CALHM3: variants seen among roughly 807,000 people sequenced by gnomAD.
CALHM3 encodes the protein calcium homeostasis modulator 3.
CALHM3 carries 9 observed loss-of-function variants against 13.6 expected under a neutral mutation model. That is an observed-to-expected ratio of 0.66 (90% confidence interval 0.40 to 1.15). The LOEUF is 1.15. Ranked by LOEUF, CALHM3 falls within the 50% of genes most tolerant of loss-of-function variation. The pLI is 0.01. For missense variants in CALHM3, 497 were observed against 463.4 expected, an observed-to-expected ratio of 1.07 and a Z score of -0.67; for synonymous variants, 231 against 213.2, an observed-to-expected ratio of 1.08 and a Z score of -0.73.
chr10:103,473,633 G>A lies in CALHM3; in HGVS notation c.615C>T (p.Phe205=). The change falls in exon 3 of 3, where the codon TTC becomes TTT. Residue 205 remains phenylalanine, a synonymous_variant. Transcript: ENST00000369783. ...TGCGCTGCAGGAAGACTGTCTGGTC[G>A]AAGCAGGGCCTCAGGCAGCGGGCCA... is the stretch of plus-strand genomic sequence containing the variant. ...AFLARCLRPC[F]DQTVFLQRRY... The A allele has an allele frequency of 6.4e-7, 1 of 1,551,260 alleles. No individual in the cohort carries two copies. Among genetic ancestry groups the A allele is most frequent in the Non-Finnish European group, 8.7e-7 (1 of 1,147,014 alleles).
rs1592162719 is a variant in CALHM3 at position 103,473,044 on chromosome 10, C to T, written c.*169G>A. The T allele has an allele frequency of 3.1e-6, 2 of 649,792 alleles. No individual in the cohort carries two copies. The highest frequency in any genetic ancestry group is 4.4e-6 in the Non-Finnish European group (2 of 452,476). 40.3% of individuals were successfully genotyped at this position (649,792 alleles called of 1,614,324 possible). ...AGTCCACATTAAAGTTTGTGAAGCG[C>T]GCTGGAGGCCACACCCAGAAACTAG... On this transcript the variant is annotated 3_prime_UTR_variant, in exon 3 of 3. Coordinates refer to ENST00000369783, the MANE Select transcript of CALHM3 (RefSeq NM_001129742.2).
In CALHM3 at chr10:103,479,108, G is replaced by T; in HGVS notation, c.-76C>A. The T allele has an allele frequency of 1.4e-6, 2 of 1,446,496 alleles. No homozygotes were observed. Among genetic ancestry groups the T allele is most frequent in the Admixed American group, 2.2e-5 (1 of 46,140 alleles). The allele number at this position is 1,446,496 out of a possible 1,614,324, so 89.6% of individuals were successfully genotyped here. On this transcript the variant is annotated 5_prime_UTR_variant, in exon 1 of 3. Transcript: ENST00000369783. ...TGGCCACCTTCCTGGTGTCTGCTGT[G>T]CTGGGGACGAGCCTGGGATCTGCAA... is the stretch of plus-strand genomic sequence containing the variant.
Position 103,476,477 on chromosome 10 carries a change from G to A in CALHM3, c.360C>T (p.Asp120=), listed in dbSNP as rs1292140503. 2.3e-5 allele frequency: 36 copies of A among 1,551,502 alleles called. No individual in the cohort carries two copies. Among genetic ancestry groups the A allele is most frequent in the Non-Finnish European group, 3.0e-5 (34 of 1,146,970 alleles). The change falls in exon 2 of 3, where the codon GAC becomes GAT. Residue 120 remains aspartate (D), a synonymous_variant. Transcript: ENST00000369783. ...PLVWILLALL[D]GKCFVCAFSS... ...TGAAGGCACACACGAAGCACTTCCC[G>A]TCAAGGAGGGCCAGCAGGATCCAGA...
intron 2 of CALHM3, among the ~76,000 whole-genome samples, chr10:103,474,878 C>T (rs146132978): frequency 2.0e-5 from 3 of 152,256 alleles, no homozygotes; most frequent in South Asian, 4.1e-4. Flanking sequence ...GGGGCTCAGT[C>T]GTTGCTCTCA....
chr10:103,473,923 G>A (rs1034999302), intron 2 of CALHM3, among the ~76,000 whole-genome samples: 12 of 152,144 alleles, frequency 7.9e-5, no homozygotes, highest in African/African-American at 2.7e-4. Flanking sequence ...TGAATGAAAT[G>A]GGACCAAATA....
Position 103,472,939 on chromosome 10 carries a change from C to T in CALHM3, c.*274G>A. On this transcript the variant is annotated 3_prime_UTR_variant, in exon 3 of 3. Transcript: ENST00000369783. ...CCAAAAGCACATCAGCCTCCAGGAG[C>T]TTGTTTAAAATGCAGAATCTCAGAC... is the stretch of plus-strand genomic sequence containing the variant. 1 of 369,262 alleles carries T rather than the reference C, an allele frequency of 2.7e-6. No homozygotes were observed. Among genetic ancestry groups the T allele is most frequent in the Non-Finnish European group, 4.8e-6 (1 of 208,982 alleles). 22.9% of individuals were successfully genotyped at this position (369,262 alleles called of 1,614,324 possible). A position where few individuals can be genotyped will look rare whatever the true frequency, so the allele number is the denominator to read the frequency against.
intron 2 of CALHM3, 84 bp from the exon 3 acceptor site, chr10:103,473,788 T>A: frequency 7.2e-7 from 1 of 1,382,508 alleles, no homozygotes; most frequent in Non-Finnish European, 9.5e-7. Flanking sequence ...TATATGAATG[T>A]TGCATATTTA....
Position 103,473,378 on chromosome 10 carries a change from G to A in CALHM3, c.870C>T (p.Arg290=), listed in dbSNP as rs1001562961. 1.1e-5 allele frequency: 17 copies of A among 1,495,710 alleles called. No individual in the cohort carries two copies. The East Asian group carries it at 2.2e-4, about 20-fold the overall frequency. 92.7% of individuals were successfully genotyped at this position (1,495,710 alleles called of 1,614,324 possible). ...LDSGSGKAHL[R]AISSREQVDR... ...CCACCTGCTCCCGGCTGGAGATTGC[G>A]CGCAGGTGGGCCTTCCCACTTCCAC... is the stretch of plus-strand genomic sequence containing the variant. Residue 290 remains arginine, a synonymous_variant, in exon 3 of 3, where the codon CGC becomes CGT. Transcript: ENST00000369783.
At position 103,473,095 on chromosome 10, in the gene CALHM3, G is replaced by A. The variant is rs2033340291; in HGVS notation, c.*118C>T. 9.1e-7 allele frequency: 1 copy of A among 1,100,834 alleles called. No homozygotes were observed. Among genetic ancestry groups the A allele is most frequent in the Admixed American group, 4.1e-5 (1 of 24,396 alleles). 68.2% of individuals were successfully genotyped at this position (1,100,834 alleles called of 1,614,324 possible). On this transcript the variant is annotated 3_prime_UTR_variant, in exon 3 of 3. Transcript: ENST00000369783. ...GCAGAGATTGGGCTACTTTAAAAAGGAGGCTAACAAGACTTAGGGTGCCTG... is the reference window on the plus strand; with the variant it reads ...GCAGAGATTGGGCTACTTTAAAAAGAAGGCTAACAAGACTTAGGGTGCCTG...
At position 103,473,690 on chromosome 10, in the gene CALHM3, G is replaced by T. The variant is rs1237203113; in HGVS notation, c.558C>A (p.Ser186Arg). 1 of 1,547,188 alleles carries T rather than the reference G, an allele frequency of 6.5e-7. No homozygotes were observed. The highest frequency in any genetic ancestry group is 8.7e-7 in the Non-Finnish European group (1 of 1,145,598). Residue 186 changes from serine to arginine, a missense_variant, in exon 3 of 3, where the codon AGC becomes AGA. By Grantham distance (110) the Ser-to-Arg change is moderately radical. Transcript: ENST00000369783. Reference sequence around the variant, plus strand: ...CCGCGATGATCAGCAGCAGGGTGACGCTCCAGCCGATGGCCTGCAAAGTAA... The same window carrying T: ...CCGCGATGATCAGCAGCAGGGTGACTCTCCAGCCGATGGCCTGCAAAGTAA... Reference protein sequence around the residue: ...LRCLSQAIGWSVTLLLIIAAF... With the variant: ...LRCLSQAIGWRVTLLLIIAAF...
Position 103,473,615 on chromosome 10 carries a change from C to T in CALHM3, c.633G>A (p.Leu211=). ...CGTAGTTGCTCCAGTATCTGCGCTGCAGGAAGACTGTCTGGTCGAAGCAGG... is the reference window on the plus strand; with the variant it reads ...CGTAGTTGCTCCAGTATCTGCGCTGTAGGAAGACTGTCTGGTCGAAGCAGG... The part of the protein sequence containing the change: ...LRPCFDQTVF[L]QRRYWSNYVD... The change falls in exon 3 of 3, where the codon CTG becomes CTA. Residue 211 remains leucine (L), a synonymous_variant. Coordinates refer to ENST00000369783, the MANE Select transcript of CALHM3 (RefSeq NM_001129742.2). The T allele has an allele frequency of 6.4e-7, 1 of 1,551,360 alleles. No homozygotes were observed. The highest frequency in any genetic ancestry group is 8.7e-7 in the Non-Finnish European group (1 of 1,147,026).
rs2033352246 is a variant in CALHM3, at chr10:103,473,554, A to G, written c.694T>C (p.Cys232Arg). 7.7e-6 allele frequency: 12 copies of G among 1,551,292 alleles called. No homozygotes were observed. In the East Asian group the frequency reaches 2.9e-4, roughly 38 times the overall value. ...LEQKLFDETC[C>R]EHARDFAHRC... is the part of the protein sequence containing the mutation. The stretch of plus-strand genomic sequence containing the variant: ...TGCGCGAAGTCCCGCGCATGCTCAC[A>G]GCAGGTCTCGTCGAAGAGCTTCTGC... Residue 232 changes from cysteine to arginine, a missense_variant, in exon 3 of 3, where the codon TGT becomes CGT. Transcript: ENST00000369783.
chr10:103,479,085 G>A lies in CALHM3; in HGVS notation c.-53C>T. On this transcript the variant is annotated 5_prime_UTR_variant, in exon 1 of 3. Coordinates refer to ENST00000369783, the MANE Select transcript of CALHM3 (RefSeq NM_001129742.2). ...GTCGGTTCGGCTCAGTGAGGCTCTG[G>A]CCACCTTCCTGGTGTCTGCTGTGCT... 2 of 1,501,814 alleles carry A rather than the reference G, an allele frequency of 1.3e-6. No homozygotes were observed. The highest frequency in any genetic ancestry group is 1.8e-6 in the Non-Finnish European group (2 of 1,118,700). 93.0% of individuals were successfully genotyped at this position (1,501,814 alleles called of 1,614,324 possible).
rs553125934 is a variant in CALHM3, at chr10:103,473,726, G to C, written c.544-22C>G. ...TGGCCTGCAAAGTAAGGAGGCCCGA[G>C]GTTAGATGTGAGTGGGGCCTAATCC... is the stretch of plus-strand genomic sequence containing the variant. On this transcript the variant is annotated intron_variant, in intron 2 of 2. Transcript: ENST00000369783. 40 of 1,532,108 alleles carry C rather than the reference G, an allele frequency of 2.6e-5. No homozygotes were observed. The African/African-American group carries it at 5.2e-4, about 20-fold the overall frequency. 94.9% of individuals were successfully genotyped at this position (1,532,108 alleles called of 1,614,324 possible).
chr10:103,476,331 C>T lies in CALHM3; in HGVS notation c.506G>A (p.Arg169Gln), dbSNP rs1410488856. The change falls in exon 2 of 3, where the codon CGG becomes CAG. Residue 169 changes from arginine (R) to glutamine (Q), a missense_variant. By Grantham distance (43) the Arg-to-Gln change is conservative. Coordinates refer to ENST00000369783, the MANE Select transcript of CALHM3 (RefSeq NM_001129742.2). ...CCGCAGGTAGCGAGACACTGCCTTCCGAGCAGGGCTATCCCTGACCAGCTC... is the reference window on the plus strand; with the variant it reads ...CCGCAGGTAGCGAGACACTGCCTTCTGAGCAGGGCTATCCCTGACCAGCTC... ...EDELVRDSPA[R>Q]KAVSRYLRCL... The T allele has an allele frequency of 1.5e-5, 23 of 1,551,472 alleles. No homozygotes were observed. The highest frequency in any genetic ancestry group is 1.7e-4 in the Middle Eastern group (1 of 6,014).
In CALHM3 at chr10:103,473,444, G is replaced by A. The variant is rs774517172; in HGVS notation, c.804C>T (p.Leu268=). 6.0e-6 allele frequency: 9 copies of A among 1,502,570 alleles called. No individual in the cohort carries two copies. Among genetic ancestry groups the A allele is most frequent in the South Asian group, 2.5e-5 (2 of 79,686 alleles). The allele number at this position is 1,502,570 out of a possible 1,614,324, so 93.1% of individuals were successfully genotyped here. A position where few individuals can be genotyped will look rare whatever the true frequency, so the allele number is the denominator to read the frequency against. ...GLRRGNAGRR[L]ELPAVPEPPE... is the part of the protein sequence containing the mutation. ...GGGGCTCAGGCACTGCGGGGAGCTC[G>A]AGTCTCCTGCCTGCATTGCCCCGGC... Residue 268 remains leucine (L), a synonymous_variant, in exon 3 of 3, where the codon CTC becomes CTT. Transcript: ENST00000369783.
intron 1 of CALHM3, among the ~76,000 whole-genome samples, chr10:103,478,091 A>T (rs563243924): frequency 3.9e-5 from 6 of 152,018 alleles, no homozygotes; most frequent in Non-Finnish European, 8.8e-5. Context: ...AGATCATAAG[A>T]CTCCCTTCTA....
In CALHM3 at chr10:103,473,851, C is replaced by T. The variant is rs376086531; in HGVS notation, c.544-147G>A. 297 of 1,092,752 alleles carry T rather than the reference C, an allele frequency of 2.7e-4. No homozygotes were observed. In the African/African-American group the frequency reaches 4.3e-3, roughly 16 times the overall value. The allele number at this position is 1,092,752 out of a possible 1,614,324, so 67.7% of individuals were successfully genotyped here. On this transcript the variant is annotated intron_variant, in intron 2 of 2. Coordinates refer to ENST00000369783, the MANE Select transcript of CALHM3 (RefSeq NM_001129742.2). The stretch of plus-strand genomic sequence containing the variant: ...CTTCATTTTCCAATGGATTCAAATA[C>T]TCCTTAGAGAATTTAACTGCAGTAT...
chr10:103,476,806 A>C (rs1380974680), intron 1 of CALHM3, among the ~76,000 whole-genome samples: 2 of 152,200 alleles, frequency 1.3e-5, no homozygotes, highest in Non-Finnish European at 2.9e-5. Flanking sequence ...TGCCCATGCC[A>C]GAGGCATCTG....
Sources: gnomAD v4.1 joint callset for allele counts (sites outside exome capture counted in the v4.1 genomes callset) on GRCh38, gnomAD v4.1.1 for gene constraint, MANE v1.5 for transcripts, NCBI Gene and HGNC (gene_info 2026-07-23, HGNC 2026-07-21) for gene names.